The following CA5B variants were observed in gnomAD, a reference collection of about 807,000 sequenced individuals.
CA5B encodes the protein carbonic anhydrase 5B.
CA5B carries 15 observed loss-of-function variants against 23.1 expected under a neutral mutation model. That is an observed-to-expected ratio of 0.65 (90% CI 0.43 to 1.00). The LOEUF (loss-of-function observed/expected upper bound fraction) is 1.00, where lower values mean the gene tolerates loss of function less well. Ranked by LOEUF, CA5B falls within the 50% of genes least tolerant of loss-of-function variation. The pLI, the probability that CA5B is intolerant of heterozygous loss-of-function variation, is 0.00. For missense variants in CA5B, 236 were observed against 252.2 expected (o/e 0.94, Z 0.43); for synonymous variants, 84 against 98.5 (o/e 0.85, Z 0.87).
rs996917868 is a variant in CA5B at position 15,757,431 on chromosome X, G to A, written c.143-7147G>A. Among the ~76,000 whole-genome samples, 30 of 111,601 alleles carry A rather than the reference G, an allele frequency of 2.7e-4. 1 individual carries two copies. Among genetic ancestry groups the A allele is most frequent in the African/African-American group, 9.8e-4 (30 of 30,720 alleles). ...CGTGGGAGGCTGAGGCAGGAGAATCGCTTGAACCTGGGAGTCAGAGGTTGC... is the reference window on the plus strand; with the variant it reads ...CGTGGGAGGCTGAGGCAGGAGAATCACTTGAACCTGGGAGTCAGAGGTTGC... On this transcript the variant is annotated intron_variant, in intron 2 of 7. Coordinates refer to ENST00000318636, the MANE Select transcript of CA5B (RefSeq NM_007220.4).
At chrX:15,778,577 A>T (rs1183218948) in intron 7 of CA5B, among the ~76,000 whole-genome samples, 1 of 111,932 alleles carries the variant, frequency 8.9e-6, no homozygotes, top group East Asian at 2.8e-4. Flanking sequence ...GTATTAGTCC[A>T]TTTTCACACT....
rs1932124140 is a variant in CA5B, at chrX:15,786,722, A to G, written c.*4058A>G. On this transcript the variant is annotated 3_prime_UTR_variant, in exon 8 of 8. Transcript: ENST00000318636. ...GATATCCTTTAACTTGTAGATTAGA[A>G]AGCGACTAAAAACTCATAGGGGATT... 1 of 111,675 alleles carries G rather than the reference A, an allele frequency of 9.0e-6. No homozygotes were observed. Among genetic ancestry groups the G allele is most frequent in the Admixed American group, 9.6e-5 (1 of 10,424 alleles). The allele number at this position is 111,675 out of a possible 1,213,427, so 9.2% of individuals were successfully genotyped here.
At chrX:15,754,056 A>G (rs1335550437) in intron 2 of CA5B, among the ~76,000 whole-genome samples, 1 of 112,008 alleles carries the variant, frequency 8.9e-6, no homozygotes, top group African/African-American at 3.2e-5. Context: ...TATGATCTCT[A>G]TTTGAGTGTT....
At position 15,782,949 on chromosome X, in the gene CA5B, G is replaced by C. The variant is rs1395563706; in HGVS notation, c.*285G>C. The C allele has an allele frequency of 1.7e-5, 4 of 232,544 alleles. No individual in the cohort carries two copies. Among genetic ancestry groups the C allele is most frequent in the Non-Finnish European group, 2.3e-5 (3 of 130,658 alleles). The allele number at this position is 232,544 out of a possible 1,213,427, so 19.2% of individuals were successfully genotyped here. A position where few individuals can be genotyped will look rare whatever the true frequency, so the allele number is the denominator to read the frequency against. Reference sequence around the variant, plus strand: ...GCTAGAGTGCAGTGGCCAAATGATAGCTCACTGCAGCCTTGAACTCCTAGG... The same window carrying C: ...GCTAGAGTGCAGTGGCCAAATGATACCTCACTGCAGCCTTGAACTCCTAGG... On this transcript the variant is annotated 3_prime_UTR_variant, in exon 8 of 8. Transcript: ENST00000318636.
chrX:15,745,148 G>A (rs1931199644), intron 1 of CA5B, among the ~76,000 whole-genome samples: 1 of 86,092 alleles, frequency 1.2e-5, no homozygotes, highest in Non-Finnish European at 2.2e-5. Flanking sequence ...CAGCCTGGGT[G>A]ACAGAGCGTG....
Position 15,767,498 on chromosome X carries a change from C to T in CA5B, c.340+2723C>T, listed in dbSNP as rs1931731695. The stretch of plus-strand genomic sequence containing the variant: ...CTCACTGCAGCCTCAACCTCCTGGA[C>T]TCAAGCAATCCTCCCACCTCAGCCT... On this transcript the variant is annotated intron_variant, in intron 3 of 7. Coordinates refer to ENST00000318636, the MANE Select transcript of CA5B (RefSeq NM_007220.4). 2.7e-5 allele frequency among the ~76,000 whole-genome samples: 3 copies of T among 109,988 alleles called. No homozygotes were observed. In the South Asian group the frequency reaches 1.2e-3, roughly 43 times the overall value.
At chrX:15,776,669 T>G (rs987382905) in intron 6 of CA5B, 45 bp from the exon 7 acceptor site, 4 of 1,108,107 alleles carry the variant, frequency 3.6e-6, no homozygotes, top group African/African-American at 3.6e-5. Flanking sequence ...TCCTGAGTGG[T>G]TTTCACTACT....
At chrX:15,750,600 C>A in intron 2 of CA5B, 1 of 118,270 alleles carries the variant, frequency 8.5e-6, no homozygotes, top group Non-Finnish European at 1.8e-5. Context: ...TTCTGGGAAC[C>A]TTAAGTTTCT....
intron 3 of CA5B, among the ~76,000 whole-genome samples, chrX:15,765,955 G>A (rs984410961): frequency 5.5e-5 from 6 of 109,220 alleles, no homozygotes; most frequent in Admixed American, 4.0e-4. Context: ...TTAGGAGTTC[G>A]AGATCACCCT....
intron 2 of CA5B, among the ~76,000 whole-genome samples, chrX:15,758,017 A>C (rs1447177581): frequency 9.0e-6 from 1 of 111,448 alleles, no homozygotes; most frequent in East Asian, 2.8e-4. Flanking sequence ...AGGAAAAGCA[A>C]CCAAGAGGCT....
intron 2 of CA5B, among the ~76,000 whole-genome samples, chrX:15,752,521 C>A (rs746306952): frequency 9.7e-6 from 1 of 102,650 alleles, no homozygotes; most frequent in South Asian, 5.1e-4. Context: ...GTCAGGAGAT[C>A]AAGACTATCC....
At chrX:15,747,172 G>C (rs1165268058) in intron 1 of CA5B, among the ~76,000 whole-genome samples, 1 of 111,981 alleles carries the variant, frequency 8.9e-6, no homozygotes, top group Non-Finnish European at 1.9e-5. Context: ...AAGCAAGATG[G>C]AGTTGATTAG....
In CA5B at chrX:15,742,409, C is replaced by G. The variant is rs139431489; in HGVS notation, c.-54+4057C>G. On this transcript the variant is annotated intron_variant, in intron 1 of 7. Transcript: ENST00000318636. ...TGAGACGGAGTCTCGCTCTGTCACTCTGATGCCAGGCTGGAGTGCGGTGGC... is the reference window on the plus strand; with the variant it reads ...TGAGACGGAGTCTCGCTCTGTCACTGTGATGCCAGGCTGGAGTGCGGTGGC... Among the ~76,000 whole-genome samples the G allele has an allele frequency of 4.1e-3, 456 of 112,439 alleles. 1 individual carries two copies. The highest frequency in any genetic ancestry group is 0.014 in the African/African-American group (435 of 30,925).
At chrX:15,773,511 A>G (rs1413718807) in intron 4 of CA5B, among the ~76,000 whole-genome samples, 1 of 100,785 alleles carries the variant, frequency 9.9e-6, no homozygotes, top group African/African-American at 3.7e-5. Flanking sequence ...CCGGGTTCAC[A>G]CCATTCTCCT....
chrX:15,777,782 A>C (rs191757968), intron 7 of CA5B, among the ~76,000 whole-genome samples: 1 of 111,955 alleles, frequency 8.9e-6, no homozygotes, highest in African/African-American at 3.2e-5. Flanking sequence ...GTTTTTGAAA[A>C]TTTTTAATAA....
rs1932096309 is a variant in CA5B at position 15,785,462 on chromosome X, A to C, written c.*2798A>C. On this transcript the variant is annotated 3_prime_UTR_variant, in exon 8 of 8. Coordinates refer to ENST00000318636, the MANE Select transcript of CA5B (RefSeq NM_007220.4). ...ATGATTCCTCCATGTGAAGTATGCA[A>C]AGTAGTCAAAATCATACAATAGAAA... The C allele has an allele frequency of 1.8e-5, 2 of 112,554 alleles. No individual in the cohort carries two copies. The highest frequency in any genetic ancestry group is 4.6e-3 in the Middle Eastern group (1 of 218). 9.3% of individuals were successfully genotyped at this position (112,554 alleles called of 1,213,427 possible).
At position 15,782,600 on chromosome X, in the gene CA5B, G is replaced by A. The variant is rs759792043; in HGVS notation, c.890G>A (p.Arg297Gln). 10 of 1,207,252 alleles carry A rather than the reference G, an allele frequency of 8.3e-6. No individual in the cohort carries two copies. Among genetic ancestry groups the A allele is most frequent in the East Asian group, 5.9e-5 (2 of 33,740 alleles). Residue 297 changes from arginine (R) to glutamine (Q), a missense_variant, in exon 8 of 8, where the codon CGG becomes CAG. Arg to Gln is a conservative substitution (Grantham distance 43). Around this residue, in one of 3 missense-constraint regions of CA5B, gnomAD observed 170 missense variants for 162.0 expected, o/e 1.05. Coordinates refer to ENST00000318636, the MANE Select transcript of CA5B (RefSeq NM_007220.4). The part of the protein sequence containing the change: ...LMNRTVRSSF[R>Q]HDYVLNVQAK... ...AATCGCACTGTTCGTTCATCCTTCC[G>A]GCATGATTATGTGCTGAATGTACAA... is the stretch of plus-strand genomic sequence containing the variant.
At chrX:15,753,075 G>A (rs1000950986) in intron 2 of CA5B, among the ~76,000 whole-genome samples, 5 of 111,523 alleles carry the variant, frequency 4.5e-5, no homozygotes, top group Non-Finnish European at 9.4e-5. Context: ...TTGATGTCTC[G>A]TGCCTCTCTA....
chrX:15,776,940 C>T, intron 7 of CA5B, 71 bp downstream of exon 7: 3 of 919,642 alleles, frequency 3.3e-6, no homozygotes, highest in Non-Finnish European at 4.6e-6. Context: ...TGGGCTCAGA[C>T]TGTGGCATCA....
Sources: gnomAD v4.1 joint callset for allele counts (sites outside exome capture counted in the v4.1 genomes callset) on GRCh38, gnomAD v4.1.1 for gene constraint, gnomAD v4.1.1 regional missense constraint, MANE v1.5 for transcripts, NCBI Gene and HGNC (gene_info 2026-07-23, HGNC 2026-07-21) for gene names.